C7: variants seen among roughly 807,000 people sequenced by gnomAD.
C7 encodes complement C7.
C7 carries 83 observed loss-of-function variants against 104.8 expected under a neutral mutation model. The ratio of observed to expected loss-of-function variants is 0.79; its 90% confidence interval spans 0.66 to 0.95. C7 has a LOEUF of 0.95. Ranked by LOEUF, C7 falls within the 40% of genes least tolerant of loss-of-function variation. The pLI is 0.00. For synonymous variants in C7, 415 were observed against 360.6 expected, an observed-to-expected ratio of 1.15 and a Z score of -1.71; for missense variants, 1,070 against 1,011.2, an observed-to-expected ratio of 1.06 and a Z score of -0.79.
chr5:40,934,428 C>T lies in C7; in HGVS notation c.242C>T (p.Thr81Ile). ...TGTGAACCTACAAGAGGATGTCCAA[C>T]AGAGGAGGGATGTGGAGAGCGTTTC... is the stretch of plus-strand genomic sequence containing the variant. ...QSCEPTRGCP[T>I]EEGCGERFRC... Residue 81 changes from threonine to isoleucine, a missense_variant, in exon 4 of 18, where the codon ACA becomes ATA. By Grantham distance (89) the Thr-to-Ile change is moderately conservative. Coordinates refer to ENST00000313164, the MANE Select transcript of C7 (RefSeq NM_000587.4). The T allele has an allele frequency of 6.8e-6, 11 of 1,613,770 alleles. No individual in the cohort carries two copies. Among genetic ancestry groups the T allele is most frequent in the Non-Finnish European group, 9.3e-6 (11 of 1,179,708 alleles).
chr5:40,922,870 C>T (rs1739470217), intron 1 of C7, among the ~76,000 whole-genome samples: 1 of 151,952 alleles, frequency 6.6e-6, no homozygotes, highest in Non-Finnish European at 1.5e-5. Context: ...AATTATGAAA[C>T]AACTAGAAGA....
rs112922806 is a variant in C7 at position 40,936,317 on chromosome 5, G to A, written c.281-21G>A. ...CCTCTTCCCTCTTTTACATTTGCAC[G>A]TGGATTTCTCTGGTGTTCAGGTCAG... On this transcript the variant is annotated intron_variant, in intron 4 of 17. Coordinates refer to ENST00000313164, the MANE Select transcript of C7 (RefSeq NM_000587.4). The A allele has an allele frequency of 4.8e-4, 779 of 1,612,028 alleles. 3 individuals carry two copies. The African/African-American group carries it at 7.0e-3, about 15-fold the overall frequency.
chr5:40,982,567 G>A lies in C7; in HGVS notation c.*994G>A, dbSNP rs898367610. ...ATTCAGTCTTCTCTTTGGGGTTTTA[G>A]TATGTGTCAAACATAGGACTGGAAG... is the stretch of plus-strand genomic sequence containing the variant. On this transcript the variant is annotated 3_prime_UTR_variant, in exon 18 of 18. Transcript: ENST00000313164. 2 of 152,340 alleles carry A rather than the reference G, an allele frequency of 1.3e-5. No individual in the cohort carries two copies. Among genetic ancestry groups the A allele is most frequent in the Non-Finnish European group, 2.9e-5 (2 of 68,048 alleles). 9.4% of individuals were successfully genotyped at this position (152,340 alleles called of 1,614,324 possible). A position where few individuals can be genotyped will look rare whatever the true frequency, so the allele number is the denominator to read the frequency against.
chr5:40,948,793 T>C (rs1740104029), intron 8 of C7, among the ~76,000 whole-genome samples: 1 of 152,160 alleles, frequency 6.6e-6, no homozygotes, highest in Non-Finnish European at 1.5e-5. Context: ...CTCTTCAAGG[T>C]CTTTCTCTTC....
rs779532315 is a variant in C7 at position 40,982,436 on chromosome 5, G to C, written c.*863G>C. The C allele has an allele frequency of 6.6e-6, 1 of 152,264 alleles. No homozygotes were observed. Among genetic ancestry groups the C allele is most frequent in the African/African-American group, 2.4e-5 (1 of 41,436 alleles). 9.4% of individuals were successfully genotyped at this position (152,264 alleles called of 1,614,324 possible). A position where few individuals can be genotyped will look rare whatever the true frequency, so the allele number is the denominator to read the frequency against. On this transcript the variant is annotated 3_prime_UTR_variant, in exon 18 of 18. Coordinates refer to ENST00000313164, the MANE Select transcript of C7 (RefSeq NM_000587.4). Reference sequence around the variant, plus strand: ...TGGGATTACAGACATGAACCACCACGCCTGGCTGGAATACTTACTCTTGTC... The same window carrying C: ...TGGGATTACAGACATGAACCACCACCCCTGGCTGGAATACTTACTCTTGTC...
chr5:40,975,281 A>G (rs1740791156), intron 15 of C7, among the ~76,000 whole-genome samples: 1 of 152,018 alleles, frequency 6.6e-6, no homozygotes, highest in South Asian at 2.1e-4. Context: ...CTCATGTTTT[A>G]CCACTAATGT....
At chr5:40,915,594 A>C (rs1265260287) in intron 1 of C7, among the ~76,000 whole-genome samples, 1 of 152,172 alleles carries the variant, frequency 6.6e-6, no homozygotes, top group Non-Finnish European at 1.5e-5. Flanking sequence ...CACACCCCAC[A>C]TAGCTTATAA....
chr5:40,967,992 A>G (rs183933227), intron 14 of C7, among the ~76,000 whole-genome samples: 167 of 152,308 alleles, frequency 1.1e-3, no homozygotes, highest in Admixed American at 9.2e-3. Flanking sequence ...GTCCTAAAAC[A>G]TTGCTTCTGT....
rs1404925563 is a variant in C7 at position 40,984,508 on chromosome 5, A to G, written c.*2935A>G. Among the ~76,000 whole-genome samples, 1 of 152,190 alleles carries G rather than the reference A, an allele frequency of 6.6e-6. No individual in the cohort carries two copies. Among genetic ancestry groups the G allele is most frequent in the African/African-American group, 2.4e-5 (1 of 41,454 alleles). On this transcript the variant is annotated 3_prime_UTR_variant, in exon 18 of 18. Transcript: ENST00000313164. ...TGCAAGTGCTGAGCAGCTGGTTTAT[A>G]CAGCATTCCCTGAAACAGCCTAGTA...
Position 40,949,947 on chromosome 5 carries a change from G to A in C7, c.1026G>A (p.Trp342Ter). 6.2e-7 allele frequency: 1 copy of A among 1,600,350 alleles called. No homozygotes were observed. The highest frequency in any genetic ancestry group is 8.5e-7 in the Non-Finnish European group (1 of 1,172,666). Residue 342 changes from tryptophan to a stop codon, truncating the protein, a stop_gained, in exon 9 of 18, where the codon TGG (tryptophan) becomes TGA (stop). Transcript: ENST00000313164. LOFTEE classifies it high-confidence loss of function. ...AAAAGAAATGTAAATCCTCAGGTTG[G>A]CATTTTGTCGTTAAATTTTCAAGTC... ...VEEKKCKSSG[W>*]HFVVKFSSHG... is the part of the protein sequence containing the mutation.
chr5:40,942,576 C>T (rs1014801382), intron 6 of C7, among the ~76,000 whole-genome samples: 2 of 151,812 alleles, frequency 1.3e-5, no homozygotes, highest in Non-Finnish European at 2.9e-5. Context: ...TCTGTAGAAT[C>T]GAGGAATTGA....
chr5:40,940,761 T>C (rs2111609853), intron 6 of C7, among the ~76,000 whole-genome samples: 1 of 152,262 alleles, frequency 6.6e-6, no homozygotes, highest in South Asian at 2.1e-4. Context: ...ATTTTCCTTA[T>C]AATAACCTAA....
At chr5:40,932,515 A>C (rs1386123895) in intron 3 of C7, among the ~76,000 whole-genome samples, 1 of 152,184 alleles carries the variant, frequency 6.6e-6, no homozygotes, top group Non-Finnish European at 1.5e-5. Context: ...TAACAGAATC[A>C]TACCATAGAA....
intron 10 of C7, among the ~76,000 whole-genome samples, 156 bp from the exon 11 acceptor site, chr5:40,957,877 T>C (rs1479511760): frequency 6.6e-6 from 1 of 151,786 alleles, no homozygotes; most frequent in Non-Finnish European, 1.5e-5. Context: ...GCAAAGAGAG[T>C]GCACTGTTTT....
intron 12 of C7, among the ~76,000 whole-genome samples, chr5:40,961,633 G>T (rs1288395460): frequency 2.0e-5 from 3 of 152,096 alleles, no homozygotes; most frequent in Non-Finnish European, 4.4e-5. Context: ...CTATCTGCCT[G>T]CCCTGTCCTC....
At chr5:40,918,095 A>G (rs890779597) in intron 1 of C7, among the ~76,000 whole-genome samples, 2 of 152,200 alleles carry the variant, frequency 1.3e-5, no homozygotes, top group African/African-American at 2.4e-5. Flanking sequence ...TTCAAAGAAT[A>G]CCACTATTGA....
chr5:40,916,512 G>A (rs978354897), intron 1 of C7, among the ~76,000 whole-genome samples: 2 of 152,118 alleles, frequency 1.3e-5, no homozygotes, highest in Non-Finnish European at 2.9e-5. Context: ...TATCCCTCCG[G>A]AGTGCTGTAG....
At chr5:40,959,347 G>A in intron 11 of C7, 102 bp from the exon 12 acceptor site, 2 of 1,043,122 alleles carry the variant, frequency 1.9e-6, no homozygotes, top group South Asian at 1.7e-5. Context: ...TCAATATCCA[G>A]AATGATCTCT....
chr5:40,931,232 A>G, intron 3 of C7, 93 bp downstream of exon 3: 1 of 871,052 alleles, frequency 1.1e-6, no homozygotes, highest in Non-Finnish European at 1.9e-6. Flanking sequence ...TTCATTAAAT[A>G]GTGTCAATAT....
Sources: allele counts gnomAD v4.1 joint callset (sites outside exome capture counted in the v4.1 genomes callset), GRCh38; gene constraint gnomAD v4.1.1; transcripts MANE v1.5; gene names NCBI Gene and HGNC (gene_info 2026-07-23, HGNC 2026-07-21).